WDR73: variants seen among roughly 807,000 people sequenced by gnomAD.
The protein encoded by WDR73 is integrator complex assembly factor WDR73.
In WDR73, 30 loss-of-function variants were observed where a neutral mutation model predicts 38.2. That is an observed-to-expected ratio of 0.79 (90% confidence interval 0.59 to 1.06). The LOEUF is 1.06. WDR73 is among the 50% of genes least tolerant of loss of function. The pLI is 0.00. For synonymous variants in WDR73, 197 were observed against 176.0 expected (o/e 1.12, Z -0.94); for missense variants, 487 against 467.0 (o/e 1.04, Z -0.40).
At chr15:84,653,724 C>T (rs1246598312) in intron 1 of WDR73, 25 bp from the exon 2 acceptor site, 2 of 1,553,926 alleles carry the variant, frequency 1.3e-6, no homozygotes, top group Admixed American at 3.7e-5. Flanking sequence ...CACAGAATCA[C>T]ACGATGCACA....
intron 7 of WDR73, chr15:84,645,250 C>T: frequency 7.0e-7 from 1 of 1,438,808 alleles, no homozygotes; most frequent in Non-Finnish European, 9.1e-7. Context: ...ACCTGAATTC[C>T]TGCTAGGCTA....
In WDR73 at chr15:84,652,713, C is replaced by T. The variant is rs1220555664; in HGVS notation, c.198+1G>A. 6 of 1,479,470 alleles carry T rather than the reference C, an allele frequency of 4.1e-6. No homozygotes were observed. The highest frequency in any genetic ancestry group is 5.4e-6 in the Non-Finnish European group (6 of 1,102,094). 91.6% of individuals were successfully genotyped at this position (1,479,470 alleles called of 1,614,324 possible). ...TACTCAGCATTTATATTTTAAGTTA[C>T]CTTGTTTTCCTTTACAGAAAGTCTG... On this transcript the variant is annotated splice_donor_variant, in intron 3 of 7. Transcript: ENST00000434634. LOFTEE classifies it high-confidence loss of function.
Position 84,641,160 on chromosome 15 carries a change from C to G in WDR73, c.*2310G>C, listed in dbSNP as rs1391376303. On this transcript the variant is annotated 3_prime_UTR_variant, in exon 8 of 8. Coordinates refer to ENST00000434634, the MANE Select transcript of WDR73 (RefSeq NM_032856.5). ...TCCTGCTTTTCTCTGAGCAGGACTT[C>G]CAGTTCCCCAGCCAGATGGGGTCAC... The G allele has an allele frequency of 2.0e-5, 3 of 150,834 alleles. No homozygotes were observed. Among genetic ancestry groups the G allele is most frequent in the African/African-American group, 7.5e-5 (3 of 40,120 alleles). The allele number at this position is 150,834 out of a possible 1,614,324, so 9.3% of individuals were successfully genotyped here.
intron 5 of WDR73, 140 bp downstream of exon 5, chr15:84,647,750 G>A (rs2141839856): frequency 1.3e-6 from 1 of 787,458 alleles, no homozygotes; most frequent in East Asian, 2.6e-5. Flanking sequence ...ACCCAGCTCA[G>A]CCTCCCAAAG....
intron 5 of WDR73, chr15:84,647,636 A>G: frequency 2.1e-6 from 1 of 478,796 alleles, no homozygotes; most frequent in Non-Finnish European, 3.8e-6. Flanking sequence ...AGCAGGGATT[A>G]CAGGTGCCTA....
chr15:84,649,022 T>C (rs946315341), intron 3 of WDR73, among the ~76,000 whole-genome samples: 1 of 152,234 alleles, frequency 6.6e-6, no homozygotes, highest in African/African-American at 2.4e-5. Flanking sequence ...TTACAACTTA[T>C]CAGTATTCAC....
At position 84,652,173 on chromosome 15, in the gene WDR73, C is replaced by T. The variant is rs189624752; in HGVS notation, c.198+541G>A. 2.6e-5 allele frequency among the ~76,000 whole-genome samples: 4 copies of T among 152,276 alleles called. No individual in the cohort carries two copies. In the East Asian group the frequency reaches 7.7e-4, roughly 29 times the overall value. ...AAGCCACTGCACCTGGCCTTCAATTCTTCTCTCAATGATTTTATTGGAACT... is the reference window on the plus strand; with the variant it reads ...AAGCCACTGCACCTGGCCTTCAATTTTTCTCTCAATGATTTTATTGGAACT... On this transcript the variant is annotated intron_variant, in intron 3 of 7. Coordinates refer to ENST00000434634, the MANE Select transcript of WDR73 (RefSeq NM_032856.5).
At chr15:84,653,872 C>T in intron 1 of WDR73, 173 bp from the exon 2 acceptor site, 1 of 640,716 alleles carries the variant, frequency 1.6e-6, no homozygotes, top group Admixed American at 2.5e-5. Flanking sequence ...CCCTTGATGT[C>T]CCTGAGCCTC....
intron 5 of WDR73, 109 bp downstream of exon 5, chr15:84,647,781 G>T: frequency 9.1e-7 from 1 of 1,102,726 alleles, no homozygotes; most frequent in South Asian, 1.3e-5. Flanking sequence ...ACAGGCATGA[G>T]ACTGTCCCCA....
At chr15:84,652,993 A>G (rs1323417730) in intron 2 of WDR73, 191 bp from the exon 3 acceptor site, 1 of 458,326 alleles carries the variant, frequency 2.2e-6, no homozygotes, top group East Asian at 3.6e-5. Context: ...ATCACAGCTC[A>G]CTGCAGCCTC....
rs560440885 is a variant in WDR73 at position 84,640,958 on chromosome 15, A to G, written c.*2512T>C. On this transcript the variant is annotated 3_prime_UTR_variant, in exon 8 of 8. Transcript: ENST00000434634. ...TTTCATTATCATCATCATTATAATT[A>G]TTATGAAAATAGATAAGGGCATTAT... 5.9e-5 allele frequency: 9 copies of G among 152,188 alleles called. No individual in the cohort carries two copies. Among genetic ancestry groups the G allele is most frequent in the Non-Finnish European group, 1.2e-4 (8 of 68,044 alleles). 9.4% of individuals were successfully genotyped at this position (152,188 alleles called of 1,614,324 possible).
chr15:84,653,962 G>C (rs957232189), intron 1 of WDR73: 2 of 604,114 alleles, frequency 3.3e-6, no homozygotes, highest in African/African-American at 1.9e-5. Flanking sequence ...TCTGTGTTCT[G>C]AGCTGAACTC....
At chr15:84,647,565 C>T (rs879367338) in intron 5 of WDR73, 20 of 293,648 alleles carry the variant, frequency 6.8e-5, no homozygotes, top group Admixed American at 4.4e-4. Flanking sequence ...GGCATGATCT[C>T]GGCTCACTGT....
chr15:84,654,258 T>C lies in WDR73; in HGVS notation c.17A>G (p.Asp6Gly). The stretch of plus-strand genomic sequence containing the variant: ...CAAGCGCAAGGATTCCACCAGCCAG[T>C]CGTCCCCAGGATCCATGGCAACGAC... MDPGD[D>G]WLVESLRLYQ... The change falls in exon 1 of 8, where the codon GAC (aspartate) becomes GGC (glycine). Residue 6 changes from aspartate to glycine, a missense_variant. Transcript: ENST00000434634. 6.2e-7 allele frequency: 1 copy of C among 1,613,964 alleles called. No homozygotes were observed. The highest frequency in any genetic ancestry group is 1.3e-5 in the African/African-American group (1 of 75,072).
chr15:84,653,028 C>T, intron 2 of WDR73: 1 of 408,490 alleles, frequency 2.4e-6, no homozygotes, highest in Non-Finnish European at 4.4e-6. Context: ...AAGTGATCCT[C>T]CCACCACAGC....
chr15:84,645,670 A>G lies in WDR73; in HGVS notation c.684T>C (p.Ala228=). ...GGCCCTGGCCCCAGCTCCCAACTTC[A>G]GCACACCATCTCTCTCCACCAGACC... ...GPGSGGERWC[A]EVGSWGQGPG... is the part of the protein sequence containing the mutation. The change falls in exon 7 of 8, where the codon GCT becomes GCC. Residue 228 remains alanine, a synonymous_variant. Coordinates refer to ENST00000434634, the MANE Select transcript of WDR73 (RefSeq NM_032856.5). 6.2e-7 allele frequency: 1 copy of G among 1,608,842 alleles called. No individual in the cohort carries two copies. Among genetic ancestry groups the G allele is most frequent in the Non-Finnish European group, 8.5e-7 (1 of 1,177,762 alleles).
chr15:84,651,366 T>C (rs969224007), intron 3 of WDR73, among the ~76,000 whole-genome samples: 2 of 147,628 alleles, frequency 1.4e-5, no homozygotes, highest in Non-Finnish European at 3.0e-5. Flanking sequence ...GTTTAGACTG[T>C]AGTGAGCCAG....
At chr15:84,654,060 C>G (rs2141848865) in intron 1 of WDR73, 174 bp downstream of exon 1, 1 of 818,460 alleles carries the variant, frequency 1.2e-6, no homozygotes, top group South Asian at 1.6e-5. Context: ...CAGGAAGGAG[C>G]CATTTCCTAG....
At position 84,652,765 on chromosome 15, in the gene WDR73, A is replaced by G; in HGVS notation, c.147T>C (p.Asn49=). ...GAGGTAATTTCAGATGAAGAATTTC[A>G]TTCTTTTTCAGGCTTTCATAGCCAG... ...FVAGYESLKK[N]EILHLKLPLR... The change falls in exon 3 of 8, where the codon AAT becomes AAC. Residue 49 remains asparagine (N), a synonymous_variant. Coordinates refer to ENST00000434634, the MANE Select transcript of WDR73 (RefSeq NM_032856.5). 1 of 1,539,986 alleles carries G rather than the reference A, an allele frequency of 6.5e-7. No homozygotes were observed. The highest frequency in any genetic ancestry group is 8.8e-7 in the Non-Finnish European group (1 of 1,141,740).
Sources: allele counts gnomAD v4.1 joint callset (sites outside exome capture counted in the v4.1 genomes callset), GRCh38; gene constraint gnomAD v4.1.1; transcripts MANE v1.5; gene names NCBI Gene and HGNC (gene_info 2026-07-23, HGNC 2026-07-21).